Variants in ARHGAP22 observed in about 807,000 individuals in gnomAD.
ARHGAP22 encodes Rho GTPase activating protein 22.
A neutral mutation model predicts 59.1 loss-of-function variants in ARHGAP22; 48 were observed. That is an observed-to-expected ratio of 0.81 (90% CI 0.64 to 1.03). The LOEUF (loss-of-function observed/expected upper bound fraction) is 1.03, where lower values mean the gene tolerates loss of function less well. Among genes scored for constraint, ARHGAP22 ranks in the 50% least tolerant of loss-of-function variants. The pLI, the probability that ARHGAP22 is intolerant of heterozygous loss-of-function variation, is 0.00. For synonymous variants in ARHGAP22, 445 were observed against 416.4 expected (o/e 1.07, Z -0.84); for missense variants, 1,015 against 958.7 (o/e 1.06, Z -0.78).
rs201745785 is a variant in ARHGAP22, at chr10:48,576,613, C to CT, written c.234+6339dup. Among the ~76,000 whole-genome samples the CT allele has an allele frequency of 6.6e-4, 100 of 151,362 alleles. 2 individuals carry two copies. The East Asian group carries it at 0.013, about 20-fold the overall frequency. The stretch of plus-strand genomic sequence containing the variant: ...AATAAATTATTTCCATCTTATTTCA[C>CT]TTTTTTTTTACAATGAAAGTTTACA... On this transcript the variant is annotated intron_variant, in intron 2 of 9. Coordinates refer to ENST00000249601, the MANE Select transcript of ARHGAP22 (RefSeq NM_021226.4).
Position 48,582,972 on chromosome 10 carries a change from T to G in ARHGAP22, c.215A>C (p.Lys72Thr), listed in dbSNP as rs1357148480. 4 of 1,614,236 alleles carry G rather than the reference T, an allele frequency of 2.5e-6. No homozygotes were observed. Among genetic ancestry groups the G allele is most frequent in the Middle Eastern group, 1.6e-4 (1 of 6,062 alleles). ...RGDQLFYYKD[K>T]DEIKPQGFIS... is the part of the protein sequence containing the mutation. ...TCTCACCTGGGGCTTGATCTCATCTTTGTCCTTGTAGTAGAAAAGCTGATC... is the reference window on the plus strand; with the variant it reads ...TCTCACCTGGGGCTTGATCTCATCTGTGTCCTTGTAGTAGAAAAGCTGATC... The change falls in exon 2 of 10, where the codon AAA becomes ACA. Residue 72 changes from lysine to threonine, a missense_variant. Coordinates refer to ENST00000249601, the MANE Select transcript of ARHGAP22 (RefSeq NM_021226.4).
intron 2 of ARHGAP22, among the ~76,000 whole-genome samples, chr10:48,578,898 C>T (rs1817712026): frequency 6.6e-6 from 1 of 151,920 alleles, no homozygotes; most frequent in South Asian, 2.1e-4. Context: ...CTCACATTTA[C>T]TTGCTTACCT....
At chr10:48,516,713 A>C (rs2053323972) in intron 3 of ARHGAP22, among the ~76,000 whole-genome samples, 1 of 152,202 alleles carries the variant, frequency 6.6e-6, no homozygotes, top group Admixed American at 6.5e-5. Context: ...CTCTTCCAAG[A>C]AACAGAAGAA....
chr10:48,451,046 G>A lies in ARHGAP22; in HGVS notation c.1083C>T (p.Arg361=), dbSNP rs1436390419. 1.0e-5 allele frequency: 16 copies of A among 1,552,382 alleles called. No homozygotes were observed. The highest frequency in any genetic ancestry group is 1.4e-5 in the Non-Finnish European group (16 of 1,148,072). Residue 361 remains arginine (R), a synonymous_variant, in exon 9 of 10, where the codon CGC becomes CGT. Coordinates refer to ENST00000249601, the MANE Select transcript of ARHGAP22 (RefSeq NM_021226.4). ...ACCCCACTGCGCATTGCAGGCCCCC[G>A]CGCGGGGAGGTGGGCCCTTCCGGGA... ...APVPEGPTSP[R]GGLQCAVGWG...
intron 1 of ARHGAP22, among the ~76,000 whole-genome samples, chr10:48,636,205 G>C (rs2061810364): frequency 6.6e-6 from 1 of 152,114 alleles, no homozygotes; most frequent in African/African-American, 2.4e-5. Flanking sequence ...CCTCTGCCCT[G>C]CACAGCTTCA....
chr10:48,512,839 C>T (rs1451949659), intron 3 of ARHGAP22, among the ~76,000 whole-genome samples: 1 of 152,184 alleles, frequency 6.6e-6, no homozygotes, highest in East Asian at 1.9e-4. Flanking sequence ...AACCCACCTC[C>T]ATGTCACCAC....
chr10:48,540,513 G>T (rs2055832444), intron 3 of ARHGAP22, among the ~76,000 whole-genome samples: 1 of 152,212 alleles, frequency 6.6e-6, no homozygotes, highest in African/African-American at 2.4e-5. Flanking sequence ...TTATAGGTGT[G>T]AGCCACCATG....
intron 5 of ARHGAP22, among the ~76,000 whole-genome samples, chr10:48,457,091 A>C (rs10776602): frequency 0.9 from 136,604 of 152,010 alleles, 62,997 homozygotes; most frequent in Non-Finnish European, 0.99. Flanking sequence ...GGGGACAAAG[A>C]GGCCCTGGTG....
intron 1 of ARHGAP22, among the ~76,000 whole-genome samples, chr10:48,598,991 T>A (rs1245338823): frequency 6.6e-6 from 1 of 152,232 alleles, no homozygotes; most frequent in Non-Finnish European, 1.5e-5. Context: ...AAGTTCTTTA[T>A]CCTTTCTGGG....
chr10:48,471,193 T>C (rs2048194891), intron 4 of ARHGAP22, among the ~76,000 whole-genome samples: 1 of 152,180 alleles, frequency 6.6e-6, no homozygotes, highest in South Asian at 2.1e-4. Context: ...CAGAGGCCTG[T>C]GAGATTCCCA....
At chr10:48,496,947 T>G (rs185507167) in intron 3 of ARHGAP22, among the ~76,000 whole-genome samples, 14 of 152,014 alleles carry the variant, frequency 9.2e-5, no homozygotes, top group African/African-American at 3.4e-4. Context: ...CAGAGTGAAA[T>G]GGGTATACCG....
chr10:48,571,764 G>T (rs2058409814), intron 2 of ARHGAP22, among the ~76,000 whole-genome samples: 1 of 152,188 alleles, frequency 6.6e-6, no homozygotes, highest in Non-Finnish European at 1.5e-5. Flanking sequence ...TGACACAGTT[G>T]CATTTGGCAG....
At chr10:48,490,831 C>A (rs1377400008) in intron 3 of ARHGAP22, among the ~76,000 whole-genome samples, 2 of 152,226 alleles carry the variant, frequency 1.3e-5, no homozygotes, top group Non-Finnish European at 2.9e-5. Flanking sequence ...TCTGCCTACA[C>A]CCTCTGCTCT....
intron 2 of ARHGAP22, among the ~76,000 whole-genome samples, chr10:48,559,205 G>C (rs766670639): frequency 7.2e-5 from 11 of 152,186 alleles, no homozygotes; most frequent in Non-Finnish European, 1.3e-4. Flanking sequence ...CAGGCACACA[G>C]TTTGCACCTA....
intron 1 of ARHGAP22, among the ~76,000 whole-genome samples, chr10:48,634,328 C>T (rs924316376): frequency 8.5e-5 from 13 of 152,186 alleles, no homozygotes; most frequent in African/African-American, 2.9e-4. Flanking sequence ...CTCATCTAGC[C>T]AACAGGGAAA....
At chr10:48,495,504 T>C (rs2050829266) in intron 3 of ARHGAP22, among the ~76,000 whole-genome samples, 1 of 152,214 alleles carries the variant, frequency 6.6e-6, no homozygotes, top group African/African-American at 2.4e-5. Flanking sequence ...TGCCAACTGG[T>C]GCCTAAAGCA....
chr10:48,646,932 A>G (rs1330553500), intron 1 of ARHGAP22, among the ~76,000 whole-genome samples: 2 of 152,238 alleles, frequency 1.3e-5, no homozygotes, highest in Non-Finnish European at 2.9e-5. Context: ...TAAGTACACC[A>G]TTAAGAAAAT....
In ARHGAP22 at chr10:48,517,325, A is replaced by G. The variant is rs570142243; in HGVS notation, c.323-37561T>C. Reference sequence around the variant, plus strand: ...TGTTTAGAAGAGCCGGCAAAAGACAACTTAGGCAGGATAAGCATTAGCTAC... The same window carrying G: ...TGTTTAGAAGAGCCGGCAAAAGACAGCTTAGGCAGGATAAGCATTAGCTAC... On this transcript the variant is annotated intron_variant, in intron 3 of 9. Transcript: ENST00000249601. 1.1e-4 allele frequency among the ~76,000 whole-genome samples: 17 copies of G among 152,306 alleles called. No individual in the cohort carries two copies. The South Asian group carries it at 3.5e-3, about 32-fold the overall frequency.
At chr10:48,530,794 AAAGC>A (rs1359190737) in intron 3 of ARHGAP22, among the ~76,000 whole-genome samples, 1 of 152,232 alleles carries the variant, frequency 6.6e-6, no homozygotes, top group African/African-American at 2.4e-5. Flanking sequence ...GATGTGGTGA[AAAGC>A]AAACACCTCT....
Sources: gnomAD v4.1 joint callset for allele counts (sites outside exome capture counted in the v4.1 genomes callset) on GRCh38, gnomAD v4.1.1 for gene constraint, MANE v1.5 for transcripts, NCBI Gene and HGNC (gene_info 2026-07-23, HGNC 2026-07-21) for gene names.